The following BRINP1 variants were observed in gnomAD, a reference collection of about 807,000 sequenced individuals.
BRINP1 encodes BMP/retinoic acid-inducible neural-specific protein 1.
Under a neutral mutation model 72.9 loss-of-function variants are expected in BRINP1, and 17 were observed. The observed-to-expected ratio is 0.23, with a 90% CI of 0.16 to 0.35. The LOEUF is 0.35. Ranked by LOEUF, BRINP1 falls within the 10% of genes least tolerant of loss-of-function variation. BRINP1 has a pLI of 1.00. For missense variants in BRINP1, 850 were observed against 1,001.6 expected (o/e 0.85, Z 2.04); for synonymous variants, 418 against 378.5 (o/e 1.10, Z -1.21).
chr9:119,211,110 G>A (rs909155525), intron 6 of BRINP1, among the ~76,000 whole-genome samples: 1 of 152,118 alleles, frequency 6.6e-6, no homozygotes, highest in African/African-American at 2.4e-5. Flanking sequence ...GGCCTTCAAT[G>A]AACCCAAATT....
At chr9:119,175,843 C>A (rs1450221533) in intron 7 of BRINP1, among the ~76,000 whole-genome samples, 1 of 152,124 alleles carries the variant, frequency 6.6e-6, no homozygotes, top group Non-Finnish European at 1.5e-5. Context: ...ACTTTTTACC[C>A]TGCACAGGGT....
intron 1 of BRINP1, among the ~76,000 whole-genome samples, chr9:119,338,933 G>T (rs1831380694): frequency 6.6e-6 from 1 of 151,494 alleles, no homozygotes; most frequent in South Asian, 2.1e-4. Flanking sequence ...ACAGGGGGGT[G>T]GGGAGAAAGA....
intron 2 of BRINP1, among the ~76,000 whole-genome samples, chr9:119,261,209 T>C (rs1351637515): frequency 6.6e-6 from 1 of 152,030 alleles, no homozygotes; most frequent in Admixed American, 6.6e-5. Context: ...ATCCAACGGG[T>C]GGTTGGAAAG....
intron 1 of BRINP1, among the ~76,000 whole-genome samples, chr9:119,355,310 C>G (rs1258549143): frequency 6.6e-6 from 1 of 152,152 alleles, no homozygotes; most frequent in African/African-American, 2.4e-5. Flanking sequence ...TGATAAATGT[C>G]ATAAGTGCCA....
intron 1 of BRINP1, 144 bp from the exon 2 acceptor site, chr9:119,313,549 G>A (rs1043350729): frequency 1.4e-6 from 1 of 725,856 alleles, no homozygotes; most frequent in African/African-American, 1.8e-5. Flanking sequence ...TATATCAGTA[G>A]AGTGCTTTAA....
chr9:119,186,217 A>G (rs533313640), intron 7 of BRINP1, among the ~76,000 whole-genome samples: 3 of 152,184 alleles, frequency 2.0e-5, no homozygotes, highest in African/African-American at 7.2e-5. Context: ...GTGTCCCCTC[A>G]TTGCCTAAAC....
In BRINP1 at chr9:119,168,091, G is replaced by A. The variant is rs1829342633; in HGVS notation, c.1279C>T (p.Pro427Ser). ...GSTTLCQRPI[P>S]CVIGGNNSCA... Reference sequence around the variant, plus strand: ...CTGTTGTTCCCGCCTATCACGCAGGGGATGGGGCGCTGGCACAGCGTGGTG... The same window carrying A: ...CTGTTGTTCCCGCCTATCACGCAGGAGATGGGGCGCTGGCACAGCGTGGTG... The change falls in exon 8 of 8, where the codon CCC becomes TCC. Residue 427 changes from proline to serine, a missense_variant. By Grantham distance (74) the Pro-to-Ser change is moderately conservative (BLOSUM62 -1). Coordinates refer to ENST00000265922, the MANE Select transcript of BRINP1 (RefSeq NM_014618.3). 1 of 1,610,248 alleles carries A rather than the reference G, an allele frequency of 6.2e-7. No homozygotes were observed. The highest frequency in any genetic ancestry group is 1.7e-5 in the Admixed American group (1 of 59,592).
chr9:119,344,952 T>G (rs1396765965), intron 1 of BRINP1, among the ~76,000 whole-genome samples: 2 of 152,210 alleles, frequency 1.3e-5, no homozygotes, highest in Non-Finnish European at 2.9e-5. Context: ...CTCCAGTACT[T>G]ATTTCTTCTC....
At chr9:119,252,902 T>C (rs1830408209) in intron 2 of BRINP1, among the ~76,000 whole-genome samples, 1 of 152,198 alleles carries the variant, frequency 6.6e-6, no homozygotes, top group Non-Finnish European at 1.5e-5. Flanking sequence ...TCACCAGCGA[T>C]AGACCAGGGC....
chr9:119,276,960 A>G (rs1346463894), intron 2 of BRINP1, among the ~76,000 whole-genome samples: 2 of 152,124 alleles, frequency 1.3e-5, no homozygotes, highest in Non-Finnish European at 2.9e-5. Context: ...CATCCCCCAA[A>G]TCTACTTTTG....
intron 7 of BRINP1, among the ~76,000 whole-genome samples, chr9:119,192,183 G>A (rs1051631374): frequency 4.0e-5 from 6 of 151,772 alleles, no homozygotes; most frequent in African/African-American, 1.4e-4. Flanking sequence ...GCTCCTCAAC[G>A]TTGGCCTTAG....
intron 6 of BRINP1, chr9:119,213,586 A>G (rs1011310416): frequency 3.9e-6 from 2 of 518,302 alleles, no homozygotes; most frequent in Non-Finnish European, 6.9e-6. Flanking sequence ...CCACACACAC[A>G]TACACAGCCC....
chr9:119,236,910 A>C (rs1564225034), intron 5 of BRINP1, among the ~76,000 whole-genome samples: 1 of 152,280 alleles, frequency 6.6e-6, no homozygotes, highest in East Asian at 1.9e-4. Flanking sequence ...ATTTAATAGT[A>C]AACCACTTTC....
chr9:119,312,986 GA>G (rs959518375), intron 2 of BRINP1, 151 bp downstream of exon 2: 672 of 782,264 alleles, frequency 8.6e-4, no homozygotes, highest in African/African-American at 3.7e-3. Context: ...CTTGTGCAAA[GA>G]AAAAAAAAAT....
intron 2 of BRINP1, chr9:119,282,796 A>G: frequency 1.0e-6 from 1 of 985,176 alleles, no homozygotes; most frequent in Non-Finnish European, 1.2e-6. Context: ...AATGTTTTTC[A>G]TGTTGAGTGA....
chr9:119,247,270 A>G (rs907857553), intron 3 of BRINP1, among the ~76,000 whole-genome samples: 33 of 151,158 alleles, frequency 2.2e-4, no homozygotes, highest in Non-Finnish European at 4.0e-4. Flanking sequence ...ACTTAACTTA[A>G]TATCTAACTG....
intron 1 of BRINP1, among the ~76,000 whole-genome samples, chr9:119,354,702 A>T (rs975929505): frequency 3.2e-4 from 48 of 151,754 alleles, no homozygotes; most frequent in African/African-American, 4.4e-4. Context: ...CTCTAAAAAA[A>T]AAAAATAAAA....
chr9:119,358,673 G>A (rs1454421661), intron 1 of BRINP1, among the ~76,000 whole-genome samples: 1 of 152,124 alleles, frequency 6.6e-6, no homozygotes, highest in African/African-American at 2.4e-5. Context: ...CAGCGTGGGC[G>A]ACAGAGCGAG....
intron 2 of BRINP1, among the ~76,000 whole-genome samples, chr9:119,268,289 T>TAGATAGATAGACAGACAGAC (rs1554752353): frequency 4.0e-5 from 6 of 148,590 alleles, no homozygotes; most frequent in South Asian, 2.2e-4. Flanking sequence ...GATAGATAGA[T>TAGATAGATAGACAGACAGAC]AGATAGATAG....
Sources: gnomAD v4.1 joint callset for allele counts (sites outside exome capture counted in the v4.1 genomes callset) on GRCh38, gnomAD v4.1.1 for gene constraint, MANE v1.5 for transcripts, NCBI Gene and HGNC (gene_info 2026-07-23, HGNC 2026-07-21) for gene names.